Variants in GRIN2A observed in about 807,000 individuals in gnomAD.
GRIN2A encodes glutamate ionotropic receptor NMDA type subunit 2A, also known as glutamate receptor ionotropic, NMDA 2A.
A neutral mutation model predicts 113.4 loss-of-function variants in GRIN2A; 22 were observed. That is an observed-to-expected ratio of 0.19 (90% CI 0.14 to 0.28). The LOEUF (loss-of-function observed/expected upper bound fraction) is 0.28, where lower values mean the gene tolerates loss of function less well. Ranked by LOEUF, GRIN2A falls within the 10% of genes least tolerant of loss-of-function variation. The pLI, the probability that GRIN2A is intolerant of heterozygous loss-of-function variation, is 1.00. For synonymous variants in GRIN2A, 827 were observed against 738.4 expected, an observed-to-expected ratio of 1.12 and a Z score of -1.94; for missense variants, 1,502 against 1,887.0, an observed-to-expected ratio of 0.80 and a Z score of 3.78.
rs2042446771 is a variant in GRIN2A, at chr16:9,829,417, C to T, written c.2007+6G>A. On this transcript the variant is annotated splice_donor_region_variant and intron_variant, in intron 9 of 12. Transcript: ENST00000330684. ...TCAGATGGAGAGGAAAGCAAGGTGA[C>T]CTTACCTTTTTGTCACTGAGGCCGG... The T allele has an allele frequency of 6.3e-7, 1 of 1,596,454 alleles. No individual in the cohort carries two copies. Among genetic ancestry groups the T allele is most frequent in the Non-Finnish European group, 8.6e-7 (1 of 1,164,320 alleles).
intron 2 of GRIN2A, among the ~76,000 whole-genome samples, chr16:10,016,908 C>T (rs1026663014): frequency 4.6e-5 from 7 of 152,204 alleles, no homozygotes; most frequent in African/African-American, 1.7e-4. Context: ...CCTCCTACAC[C>T]TCCTCTGCCA....
chr16:10,159,622 C>T (rs1023058277), intron 2 of GRIN2A, among the ~76,000 whole-genome samples: 1 of 151,932 alleles, frequency 6.6e-6, no homozygotes, highest in African/African-American at 2.4e-5. Flanking sequence ...GGACCTTAGC[C>T]CAATCCCATT....
chr16:10,041,074 T>C (rs1466754115), intron 2 of GRIN2A, among the ~76,000 whole-genome samples: 1 of 152,206 alleles, frequency 6.6e-6, no homozygotes, highest in African/African-American at 2.4e-5. Context: ...GTGGGTAGAG[T>C]GCCAGATGTT....
intron 4 of GRIN2A, among the ~76,000 whole-genome samples, chr16:9,851,901 G>A (rs1390823949): frequency 2.6e-5 from 4 of 152,156 alleles, no homozygotes; most frequent in Non-Finnish European, 5.9e-5. Flanking sequence ...ACATATGGTG[G>A]CTGCTATTAT....
rs1555494772 is a variant in GRIN2A at position 9,840,955 on chromosome 16, C to T, written c.1478G>A (p.Trp493Ter). Residue 493 changes from tryptophan to a stop codon, truncating the protein, a stop_gained, in exon 6 of 13, where the codon TGG (tryptophan) becomes TAG (stop). Transcript: ENST00000330684. LOFTEE classifies it high-confidence loss of function. ...GKHGKKVNNV[W>*]NGMIGEVVYQ... ...ACTTACTTCACCGATCATTCCATTCCACACATTGTTAACTTTCTTGCCATG... is the reference window on the plus strand; with the variant it reads ...ACTTACTTCACCGATCATTCCATTCTACACATTGTTAACTTTCTTGCCATG... The T allele has an allele frequency of 6.2e-7, 1 of 1,613,974 alleles. No homozygotes were observed. The highest frequency in any genetic ancestry group is 1.3e-5 in the African/African-American group (1 of 74,996).
intron 11 of GRIN2A, among the ~76,000 whole-genome samples, chr16:9,774,115 C>T: frequency 6.6e-6 from 1 of 152,146 alleles, no homozygotes; most frequent in Admixed American, 6.5e-5. Context: ...TGTAAGAAGG[C>T]TGGTTAGACA....
intron 5 of GRIN2A, among the ~76,000 whole-genome samples, chr16:9,844,980 T>C (rs2042746333): frequency 6.6e-6 from 1 of 152,194 alleles, no homozygotes; most frequent in Non-Finnish European, 1.5e-5. Flanking sequence ...CACAATCATG[T>C]TGTCTAACAG....
intron 2 of GRIN2A, among the ~76,000 whole-genome samples, chr16:9,998,412 A>G (rs765336050): frequency 7.2e-5 from 11 of 152,252 alleles, no homozygotes; most frequent in Non-Finnish European, 1.6e-4. Flanking sequence ...TTGTGTGAAT[A>G]CTTAATAGAT....
intron 2 of GRIN2A, among the ~76,000 whole-genome samples, chr16:10,045,565 C>A (rs1452228846): frequency 6.6e-6 from 1 of 152,190 alleles, no homozygotes; most frequent in Non-Finnish European, 1.5e-5. Flanking sequence ...AACCTATCCT[C>A]GGGGTTTGGC....
chr16:10,007,914 T>G (rs911297130), intron 2 of GRIN2A, among the ~76,000 whole-genome samples: 2 of 152,216 alleles, frequency 1.3e-5, no homozygotes, highest in African/African-American at 4.8e-5. Flanking sequence ...TATTTGTATC[T>G]TTAAAAAAGC....
At chr16:9,802,347 C>CCATGGTG (rs1903414217) in intron 10 of GRIN2A, among the ~76,000 whole-genome samples, 7 of 152,168 alleles carry the variant, frequency 4.6e-5, no homozygotes, top group Admixed American at 4.6e-4. Context: ...CCATGGAATA[C>CCATGGTG]TATGCAGCCA....
intron 5 of GRIN2A, among the ~76,000 whole-genome samples, chr16:9,844,901 C>A (rs1227063897): frequency 6.6e-6 from 1 of 152,160 alleles, no homozygotes; most frequent in African/African-American, 2.4e-5. Flanking sequence ...TTTCTCAGCT[C>A]ATTTCCGGTT....
chr16:9,997,687 T>A (rs2046250676), intron 2 of GRIN2A, among the ~76,000 whole-genome samples: 1 of 152,188 alleles, frequency 6.6e-6, no homozygotes, highest in African/African-American at 2.4e-5. Flanking sequence ...TCTTGAATCA[T>A]AGCTCCCATA....
chr16:9,864,742 C>A (rs1377940293), intron 4 of GRIN2A, among the ~76,000 whole-genome samples: 1 of 152,216 alleles, frequency 6.6e-6, no homozygotes, highest in Non-Finnish European at 1.5e-5. Flanking sequence ...AACAGCATTT[C>A]ATCCCCCTCG....
chr16:10,073,452 C>A (rs72774136), intron 2 of GRIN2A, among the ~76,000 whole-genome samples: 14,595 of 152,128 alleles, frequency 0.096, 775 homozygotes, highest in African/African-American at 0.11. Context: ...GTTTTGGCCA[C>A]TGAAGTCCTG....
At chr16:9,919,046 G>A (rs148807284) in intron 3 of GRIN2A, among the ~76,000 whole-genome samples, 18 of 152,146 alleles carry the variant, frequency 1.2e-4, no homozygotes, top group African/African-American at 3.6e-4. Context: ...GGTGGTGTGC[G>A]CCTGTAATCC....
At chr16:9,800,770 T>C (rs1903311162) in intron 10 of GRIN2A, among the ~76,000 whole-genome samples, 1 of 152,074 alleles carries the variant, frequency 6.6e-6, no homozygotes, top group Non-Finnish European at 1.5e-5. Flanking sequence ...TGGGCACTGA[T>C]TGGCAACAGC....
At chr16:9,873,416 TGA>T (rs1403605715) in intron 4 of GRIN2A, among the ~76,000 whole-genome samples, 7 of 152,090 alleles carry the variant, frequency 4.6e-5, no homozygotes, top group African/African-American at 1.7e-4. Context: ...AAAAGTGGAA[TGA>T]GACTGGGTGC....
At chr16:10,084,099 TAAC>T (rs570101952) in intron 2 of GRIN2A, among the ~76,000 whole-genome samples, 231 of 152,270 alleles carry the variant, frequency 1.5e-3, no homozygotes, top group African/African-American at 5.3e-3. Flanking sequence ...AGACCCTGTC[TAAC>T]AACAACAACA....
Sources: gnomAD v4.1 joint callset for allele counts (sites outside exome capture counted in the v4.1 genomes callset) on GRCh38, gnomAD v4.1.1 for gene constraint, MANE v1.5 for transcripts, NCBI Gene and HGNC (gene_info 2026-07-23, HGNC 2026-07-21) for gene names.